SPECC1: variants seen among roughly 807,000 people sequenced by gnomAD.
SPECC1 encodes cytospin-B.
SPECC1 carries 62 observed loss-of-function variants against 104.1 expected under a neutral mutation model. That is an observed-to-expected ratio of 0.60 (90% CI 0.49 to 0.74). The LOEUF (loss-of-function observed/expected upper bound fraction) is 0.74, where lower values mean the gene tolerates loss of function less well. Among genes scored for constraint, SPECC1 ranks in the 30% least tolerant of loss-of-function variants. The pLI, the probability that SPECC1 is intolerant of heterozygous loss-of-function variation, is 0.00. For missense variants in SPECC1, 1,306 were observed against 1,310.5 expected, an observed-to-expected ratio of 1.00 and a Z score of 0.05; for synonymous variants, 513 against 501.6, an observed-to-expected ratio of 1.02 and a Z score of -0.30.
chr17:20,101,414 C>T (rs1490896146), intron 2 of SPECC1, among the ~76,000 whole-genome samples: 1 of 152,140 alleles, frequency 6.6e-6, no homozygotes, highest in Non-Finnish European at 1.5e-5. Context: ...CTCTAGTGAC[C>T]AGTGATGATG....
At chr17:20,067,255 C>T (rs938664806) in intron 1 of SPECC1, 2 of 152,112 alleles carry the variant, frequency 1.3e-5, no homozygotes, top group African/African-American at 4.8e-5. Context: ...AGTGATCCTC[C>T]TGCCTCAGCC....
intron 3 of SPECC1, among the ~76,000 whole-genome samples, chr17:20,197,697 T>C (rs1026255832): frequency 1.3e-4 from 20 of 152,330 alleles, no homozygotes; most frequent in South Asian, 2.1e-4. Context: ...AGGTGGAGAC[T>C]TCATCCACTT....
At chr17:20,182,478 A>G (rs2034977682) in intron 3 of SPECC1, among the ~76,000 whole-genome samples, 1 of 152,108 alleles carries the variant, frequency 6.6e-6, no homozygotes, top group African/African-American at 2.4e-5. Flanking sequence ...TTAAAAAAAG[A>G]TAGACAATTT....
intron 10 of SPECC1, 145 bp from the exon 11 acceptor site, chr17:20,257,306 C>G (rs2151584009): frequency 1.1e-6 from 1 of 904,728 alleles, no homozygotes; most frequent in Non-Finnish European, 1.6e-6. Flanking sequence ...ATCCACATCC[C>G]TATTGCATTT....
At chr17:20,095,491 A>G (rs962654148) in intron 1 of SPECC1, among the ~76,000 whole-genome samples, 13 of 152,172 alleles carry the variant, frequency 8.5e-5, no homozygotes, top group African/African-American at 2.2e-4. Context: ...CACTGTTTCA[A>G]TAGGGTCGGG....
intron 1 of SPECC1, among the ~76,000 whole-genome samples, chr17:20,062,169 C>T (rs112659570): frequency 0.12 from 18,626 of 150,156 alleles, 1,137 homozygotes; most frequent in Admixed American, 0.13. Flanking sequence ...AGGAGAATGG[C>T]GTGAACCTGG....
At chr17:20,255,154 A>C (rs2039778985) in intron 10 of SPECC1, among the ~76,000 whole-genome samples, 2 of 152,330 alleles carry the variant, frequency 1.3e-5, no homozygotes, top group African/African-American at 4.8e-5. Context: ...GTGGGACTCC[A>C]AGTCATGATA....
chr17:20,035,758 A>G (rs1001512767), intron 1 of SPECC1, among the ~76,000 whole-genome samples: 1 of 152,076 alleles, frequency 6.6e-6, no homozygotes, highest in Admixed American at 6.6e-5. Flanking sequence ...TGATTTTTGT[A>G]TGTTCATCAT....
chr17:20,257,323 C>A, intron 10 of SPECC1, 128 bp from the exon 11 acceptor site: 2 of 1,114,444 alleles, frequency 1.8e-6, no homozygotes, highest in Non-Finnish European at 2.5e-6. Context: ...ATTTTTATTA[C>A]TTCAGAAACT....
At chr17:20,272,339 AT>A (rs35441010) in intron 12 of SPECC1, among the ~76,000 whole-genome samples, 87,353 of 148,304 alleles carry the variant, frequency 0.59, 27,246 homozygotes, top group East Asian at 0.81. Flanking sequence ...TTAATTTTGC[AT>A]TTTTTTTTTT....
In SPECC1 at chr17:20,297,838, T is replaced by C. The variant is rs2041405179; in HGVS notation, c.3057+761T>C. 3.9e-5 allele frequency among the ~76,000 whole-genome samples: 6 copies of C among 152,244 alleles called. No homozygotes were observed. In the South Asian group the frequency reaches 1.2e-3, roughly 31 times the overall value. ...CGCTGTTGGTCACTCAAGAATTTCTTGTCAAGCATCGGGCACTATCATAAG... is the reference window on the plus strand; with the variant it reads ...CGCTGTTGGTCACTCAAGAATTTCTCGTCAAGCATCGGGCACTATCATAAG... On this transcript the variant is annotated intron_variant, in intron 13 of 14. Transcript: ENST00000395527.
chr17:20,289,159 C>T (rs1040330312), intron 12 of SPECC1, among the ~76,000 whole-genome samples: 2 of 152,180 alleles, frequency 1.3e-5, no homozygotes, highest in Non-Finnish European at 1.5e-5. Context: ...CTGATAAACT[C>T]ATGAGATGTT....
At chr17:20,179,873 A>G (rs546842523) in intron 3 of SPECC1, among the ~76,000 whole-genome samples, 38 of 152,366 alleles carry the variant, frequency 2.5e-4, no homozygotes, top group African/African-American at 9.1e-4. Flanking sequence ...GTAAGTGTAA[A>G]GTAAGAATTC....
intron 3 of SPECC1, among the ~76,000 whole-genome samples, chr17:20,174,505 G>C (rs1046546292): frequency 1.3e-5 from 2 of 152,084 alleles, no homozygotes; most frequent in African/African-American, 4.8e-5. Context: ...GAGAAGCTAA[G>C]ATGGATGCAG....
chr17:20,204,172 A>C (rs934918786), intron 3 of SPECC1, among the ~76,000 whole-genome samples, 161 bp from the exon 4 acceptor site: 3 of 152,204 alleles, frequency 2.0e-5, no homozygotes, highest in Admixed American at 2.0e-4. Flanking sequence ...GGGAGGAAGC[A>C]CAGAAACCAC....
rs564531226 is a variant in SPECC1, at chr17:20,222,810, T to C, written c.1864-4603T>C. 2.6e-5 allele frequency among the ~76,000 whole-genome samples: 4 copies of C among 152,332 alleles called. No homozygotes were observed. In the East Asian group the frequency reaches 7.7e-4, roughly 29 times the overall value. ...TTTCTTGTCTGCTGTTGATGAAATTTCTTAGGTTTTGTTTGTCTGGGAAAG... is the reference window on the plus strand; with the variant it reads ...TTTCTTGTCTGCTGTTGATGAAATTCCTTAGGTTTTGTTTGTCTGGGAAAG... On this transcript the variant is annotated intron_variant, in intron 4 of 14. Transcript: ENST00000395527.
chr17:20,071,467 C>T (rs1191990544), intron 1 of SPECC1, among the ~76,000 whole-genome samples: 1 of 152,030 alleles, frequency 6.6e-6, no homozygotes, highest in Non-Finnish European at 1.5e-5. Flanking sequence ...ATCAATTATT[C>T]TACCAGATGA....
intron 1 of SPECC1, among the ~76,000 whole-genome samples, chr17:20,029,235 A>C (rs545736670): frequency 4.6e-5 from 7 of 152,204 alleles, no homozygotes; most frequent in Non-Finnish European, 8.8e-5. Context: ...ACTTACTTGA[A>C]TAAATTTATT....
intron 1 of SPECC1, among the ~76,000 whole-genome samples, chr17:20,079,071 T>G (rs2046870395): frequency 6.6e-6 from 1 of 152,164 alleles, no homozygotes. Context: ...GTGGCAGTAT[T>G]TAAAGATGCT....
Sources: gnomAD v4.1 joint callset for allele counts (sites outside exome capture counted in the v4.1 genomes callset) on GRCh38, gnomAD v4.1.1 for gene constraint, MANE v1.5 for transcripts, NCBI Gene and HGNC (gene_info 2026-07-23, HGNC 2026-07-21) for gene names.